Variants in DYTN observed in about 807,000 individuals in gnomAD.
DYTN encodes dystrotelin.
A neutral mutation model predicts 69.6 loss-of-function variants in DYTN; 75 were observed. The observed-to-expected ratio is 1.08, with a 90% CI of 0.89 to 1.31. The LOEUF (loss-of-function observed/expected upper bound fraction) is 1.31. DYTN is among the 50% of genes most tolerant of loss of function. The pLI is 0.00. For synonymous variants in DYTN, 252 were observed against 249.1 expected (o/e 1.01, Z -0.11); for missense variants, 726 against 688.4 (o/e 1.05, Z -0.61).
intron 9 of DYTN, among the ~76,000 whole-genome samples, chr2:206,669,643 A>C (rs965919244): frequency 2.6e-5 from 4 of 152,242 alleles, no homozygotes; most frequent in African/African-American, 9.6e-5. Context: ...TAAGTTAAAA[A>C]AACTAAATTT....
chr2:206,653,281 T>C (rs1283947375), intron 11 of DYTN, among the ~76,000 whole-genome samples: 1 of 152,224 alleles, frequency 6.6e-6, no homozygotes, highest in East Asian at 1.9e-4. Context: ...TTTCTTATTG[T>C]TATTCATTGT....
intron 9 of DYTN, among the ~76,000 whole-genome samples, chr2:206,681,772 A>G (rs6744061): frequency 0.28 from 42,112 of 152,054 alleles, 7,851 homozygotes; most frequent in African/African-American, 0.53. Context: ...GCTGGATTCA[A>G]TTTGCCAGTA....
intron 11 of DYTN, among the ~76,000 whole-genome samples, chr2:206,660,570 A>C (rs568548444): frequency 6.6e-6 from 1 of 152,306 alleles, no homozygotes; most frequent in East Asian, 1.9e-4. Flanking sequence ...TTTTGGTGAA[A>C]TTTTCCTAAA....
intron 9 of DYTN, among the ~76,000 whole-genome samples, chr2:206,666,854 C>A (rs1699577723): frequency 8.1e-6 from 1 of 122,870 alleles, no homozygotes; most frequent in African/African-American, 3.3e-5. Context: ...GGCAAGACCT[C>A]ATCTCTACAC....
chr2:206,695,225 T>C (rs543351771), intron 7 of DYTN, among the ~76,000 whole-genome samples: 9 of 152,360 alleles, frequency 5.9e-5, no homozygotes, highest in African/African-American at 2.2e-4. Flanking sequence ...AGCTGCGTTT[T>C]GTGCAGCTGC....
At chr2:206,669,254 G>A (rs1005044877) in intron 9 of DYTN, among the ~76,000 whole-genome samples, 1 of 152,170 alleles carries the variant, frequency 6.6e-6, no homozygotes, top group African/African-American at 2.4e-5. Context: ...TTGTGCACAT[G>A]GGCCTCCAAT....
chr2:206,713,748 T>G (rs528653766), intron 1 of DYTN, among the ~76,000 whole-genome samples: 2 of 152,342 alleles, frequency 1.3e-5, no homozygotes, highest in Admixed American at 6.5e-5. Context: ...AATTAGAGTT[T>G]ACACCCAGAA....
intron 9 of DYTN, among the ~76,000 whole-genome samples, chr2:206,672,663 C>T (rs6720554): frequency 0.14 from 21,024 of 152,148 alleles, 2,397 homozygotes; most frequent in African/African-American, 0.31. Context: ...AACTGCAATA[C>T]GGAAACTCCA....
chr2:206,682,125 A>G (rs1326831266), intron 9 of DYTN, among the ~76,000 whole-genome samples: 1 of 151,934 alleles, frequency 6.6e-6, no homozygotes, highest in Non-Finnish European at 1.5e-5. Context: ...TGTGTCTAGG[A>G]ATTTTTCCAT....
At chr2:206,704,621 T>A (rs1700007162) in intron 5 of DYTN, among the ~76,000 whole-genome samples, 1 of 152,204 alleles carries the variant, frequency 6.6e-6, no homozygotes, top group African/African-American at 2.4e-5. Context: ...GACAACATTA[T>A]CTTTAGCCTC....
chr2:206,702,936 G>A (rs75022353), intron 5 of DYTN, among the ~76,000 whole-genome samples: 3,482 of 152,194 alleles, frequency 0.023, 90 homozygotes, highest in African/African-American at 0.068. Context: ...CACTTGAAAC[G>A]ATAATTATGA....
At position 206,704,778 on chromosome 2, in the gene DYTN, C is replaced by G. The variant is rs1048714853; in HGVS notation, c.483+65G>C. 9.3e-6 allele frequency: 13 copies of G among 1,395,110 alleles called. No homozygotes were observed. The African/African-American group carries it at 1.6e-4, about 17-fold the overall frequency. 86.4% of individuals were successfully genotyped at this position (1,395,110 alleles called of 1,614,324 possible). A position where few individuals can be genotyped will look rare whatever the true frequency, so the allele number is the denominator to read the frequency against. On this transcript the variant is annotated intron_variant, in intron 5 of 11. Transcript: ENST00000452335. ...GACTTGACACTGGAGACATCAGATT[C>G]TTTAATAATAAATGTGGCAAATTAA...
intron 11 of DYTN, among the ~76,000 whole-genome samples, chr2:206,659,762 A>G (rs1699488396): frequency 6.6e-6 from 1 of 152,198 alleles, no homozygotes; most frequent in Non-Finnish European, 1.5e-5. Context: ...AAATAGGATC[A>G]TATTCAATAT....
chr2:206,697,343 C>T (rs1699930377), intron 7 of DYTN, among the ~76,000 whole-genome samples: 3 of 152,174 alleles, frequency 2.0e-5, no homozygotes, highest in Admixed American at 2.0e-4. Flanking sequence ...AAAATGCTGA[C>T]ATGTCCTTCT....
intron 9 of DYTN, among the ~76,000 whole-genome samples, chr2:206,676,048 T>C (rs779753489): frequency 6.6e-6 from 1 of 152,148 alleles, no homozygotes; most frequent in Non-Finnish European, 1.5e-5. Flanking sequence ...GAACCAGAAA[T>C]ATCATTTGAC....
intron 9 of DYTN, among the ~76,000 whole-genome samples, chr2:206,692,567 C>T (rs1699876470): frequency 6.6e-6 from 1 of 152,068 alleles, no homozygotes; most frequent in African/African-American, 2.4e-5. Flanking sequence ...GAGATGTTGA[C>T]TCTAGAATTT....
At chr2:206,705,713 C>T in intron 4 of DYTN, 75 bp downstream of exon 4, 1 of 1,344,062 alleles carries the variant, frequency 7.4e-7, no homozygotes, top group Non-Finnish European at 1.0e-6. Flanking sequence ...GGCCTTGTGG[C>T]AGGGATATAG....
Position 206,651,751 on chromosome 2 carries a change from CT to C in DYTN, c.*66del. On this transcript the variant is annotated 3_prime_UTR_variant, in exon 12 of 12. Coordinates refer to ENST00000452335, the MANE Select transcript of DYTN (RefSeq NM_001093730.1). Reference sequence around the variant, plus strand: ...TAAAAGAAAGGTAGAAGTCTTAATTCTTTTAATACAGTTGTGCAACTGCATT... The same window carrying C: ...TAAAAGAAAGGTAGAAGTCTTAATTCTTTAATACAGTTGTGCAACTGCATT... 1 of 1,414,254 alleles carries C rather than the reference CT, an allele frequency of 7.1e-7. No homozygotes were observed. Among genetic ancestry groups the C allele is most frequent in the East Asian group, 2.3e-5 (1 of 43,608 alleles). 87.6% of individuals were successfully genotyped at this position (1,414,254 alleles called of 1,614,324 possible).
At position 206,699,723 on chromosome 2, in the gene DYTN, G is replaced by C; in HGVS notation, c.719+4C>G. 1 of 1,611,946 alleles carries C rather than the reference G, an allele frequency of 6.2e-7. No homozygotes were observed. Among genetic ancestry groups the C allele is most frequent in the Non-Finnish European group, 8.5e-7 (1 of 1,179,058 alleles). On this transcript the variant is annotated splice_donor_region_variant and intron_variant, in intron 7 of 11. Coordinates refer to ENST00000452335, the MANE Select transcript of DYTN (RefSeq NM_001093730.1). ...AATCCAAGAAATGCTGCTGATGACT[G>C]TACCTGAGTCCCGTGATTGGGAAAG...
Sources: allele counts gnomAD v4.1 joint callset (sites outside exome capture counted in the v4.1 genomes callset), GRCh38; gene constraint gnomAD v4.1.1; transcripts MANE v1.5; gene names NCBI Gene and HGNC (gene_info 2026-07-23, HGNC 2026-07-21).